RFWD3: variants seen among roughly 807,000 people sequenced by gnomAD.
RFWD3 encodes the protein E3 ubiquitin-protein ligase RFWD3.
RFWD3 carries 65 observed loss-of-function variants against 87.7 expected under a neutral mutation model. The observed-to-expected ratio is 0.74, with a 90% confidence interval of 0.61 to 0.91. RFWD3 has a LOEUF of 0.91. Among genes scored for constraint, RFWD3 ranks in the 40% least tolerant of loss-of-function variants. The pLI is 0.00. For missense variants in RFWD3, 1,078 were observed against 938.5 expected (o/e 1.15, Z -1.94); for synonymous variants, 433 against 352.8 (o/e 1.23, Z -2.55).
intron 6 of RFWD3, among the ~76,000 whole-genome samples, chr16:74,640,293 G>A (rs1052673628): frequency 6.6e-6 from 1 of 151,778 alleles, no homozygotes; most frequent in African/African-American, 2.4e-5. Flanking sequence ...TTACAGGTGT[G>A]TGCCACCACG....
At chr16:74,630,716 G>T in intron 10 of RFWD3, 65 bp downstream of exon 10, 1 of 1,422,144 alleles carries the variant, frequency 7.0e-7, no homozygotes, top group Non-Finnish European at 9.4e-7. Flanking sequence ...CTGAAGAGAC[G>T]ATTAACACAA....
rs758691698 is a variant in RFWD3, at chr16:74,644,383, C to G, written c.1058G>C (p.Ser353Thr). Residue 353 changes from serine to threonine, a missense_variant, in exon 6 of 13, where the codon AGT (serine) becomes ACT (threonine). Coordinates refer to ENST00000361070, the MANE Select transcript of RFWD3 (RefSeq NM_018124.4). ...YARTLRALDT[S>T]EQERMKSSLL... Reference sequence around the variant, plus strand: ...CTACCTTTTCATGCGCTCCTGTTCACTAGTGTCCAAAGCTCTCAGGGTTCG... The same window carrying G: ...CTACCTTTTCATGCGCTCCTGTTCAGTAGTGTCCAAAGCTCTCAGGGTTCG... The G allele has an allele frequency of 6.2e-7, 1 of 1,614,196 alleles. No homozygotes were observed. Among genetic ancestry groups the G allele is most frequent in the South Asian group, 1.1e-5 (1 of 91,088 alleles).
intron 6 of RFWD3, among the ~76,000 whole-genome samples, chr16:74,641,526 G>C (rs1959644830): frequency 6.6e-6 from 1 of 152,064 alleles, no homozygotes; most frequent in Non-Finnish European, 1.5e-5. Context: ...AAAAAAACTA[G>C]AGTCCCATGT....
In RFWD3 at chr16:74,646,354, G is replaced by A. The variant is rs72792719; in HGVS notation, c.793-1619C>T. Among the ~76,000 whole-genome samples the A allele has an allele frequency of 5.5e-3, 830 of 152,050 alleles. 5 individuals are homozygous for A. The highest frequency in any genetic ancestry group is 0.014 in the Middle Eastern group (4 of 294). ...TTGTGCCACTGCACTCCAGCATGAG[G>A]GACAGAATGAGACCCTGTCTCAAAA... On this transcript the variant is annotated intron_variant, in intron 4 of 12. Transcript: ENST00000361070.
At chr16:74,649,076 T>G in intron 4 of RFWD3, 56 bp downstream of exon 4, 3 of 1,195,242 alleles carry the variant, frequency 2.5e-6, no homozygotes, top group Non-Finnish European at 3.5e-6. Context: ...TGAGACCTAG[T>G]CTCTAAAAAT....
intron 1 of RFWD3, chr16:74,666,372 G>T (rs1028576974): frequency 1.3e-5 from 2 of 152,180 alleles, no homozygotes; most frequent in African/African-American, 4.8e-5. Context: ...AATTAAAAAT[G>T]AAGTTCTTCC....
Position 74,623,737 on chromosome 16 carries a change from T to C in RFWD3, c.*191A>G, listed in dbSNP as rs181226970. On this transcript the variant is annotated 3_prime_UTR_variant, in exon 13 of 13. Transcript: ENST00000361070. The stretch of plus-strand genomic sequence containing the variant: ...ATAAAGTACCCATCAATTACTCTTT[T>C]AGTGGACATAACAGATACACAATCT... 7.6e-5 allele frequency: 42 copies of C among 552,682 alleles called. No individual in the cohort carries two copies. The East Asian group carries it at 1.3e-3, about 17-fold the overall frequency. The allele number at this position is 552,682 out of a possible 1,614,324, so 34.2% of individuals were successfully genotyped here. A position where few individuals can be genotyped will look rare whatever the true frequency, so the allele number is the denominator to read the frequency against.
chr16:74,629,281 T>C (rs1022207949), intron 10 of RFWD3, among the ~76,000 whole-genome samples: 4 of 152,176 alleles, frequency 2.6e-5, no homozygotes, highest in Non-Finnish European at 4.4e-5. Context: ...TGTTTTATTT[T>C]CCCTGTCACA....
Position 74,644,432 on chromosome 16 carries a change from T to C in RFWD3, c.1009A>G (p.Ser337Gly), listed in dbSNP as rs1204752432. 1.9e-6 allele frequency: 3 copies of C among 1,614,134 alleles called. No individual in the cohort carries two copies. The highest frequency in any genetic ancestry group is 2.2e-5 in the South Asian group (2 of 91,092). Residue 337 changes from serine to glycine, a missense_variant, in exon 6 of 13, where the codon AGT becomes GGT. Coordinates refer to ENST00000361070, the MANE Select transcript of RFWD3 (RefSeq NM_018124.4). ...CPQCNKKARH[S>G]DIVVLYARTL... Reference sequence around the variant, plus strand: ...CGGGCATAAAGGACGACAATGTCACTGTGCCTGGCTTTCTTGTTGCACTAA... The same window carrying C: ...CGGGCATAAAGGACGACAATGTCACCGTGCCTGGCTTTCTTGTTGCACTAA...
chr16:74,657,544 C>T (rs572771781), intron 2 of RFWD3, among the ~76,000 whole-genome samples: 8 of 149,602 alleles, frequency 5.3e-5, no homozygotes, highest in Admixed American at 2.7e-4. Context: ...GGCGCAATCT[C>T]GGCTCACTGC....
rs114864071 is a variant in RFWD3 at position 74,625,796 on chromosome 16, A to G, written c.2181+547T>C. On this transcript the variant is annotated intron_variant, in intron 12 of 12. Transcript: ENST00000361070. ...TTTAACTTGATTAAAATTAAACATT[A>G]AGTTCTTCCTTGGCACTAAGCACAC... Among the ~76,000 whole-genome samples, 448 of 152,360 alleles carry G rather than the reference A, an allele frequency of 2.9e-3. 1 individual carries two copies. Among genetic ancestry groups the G allele is most frequent in the Middle Eastern group, 0.017 (5 of 294 alleles).
chr16:74,644,427 G>A lies in RFWD3; in HGVS notation c.1014C>T (p.Asp338=), dbSNP rs1298258495. The change falls in exon 6 of 13, where the codon GAC becomes GAT. Residue 338 remains aspartate, a synonymous_variant. Coordinates refer to ENST00000361070, the MANE Select transcript of RFWD3 (RefSeq NM_018124.4). ...PQCNKKARHS[D]IVVLYARTLR... is the part of the protein sequence containing the mutation. The stretch of plus-strand genomic sequence containing the variant: ...GGGTTCGGGCATAAAGGACGACAAT[G>A]TCACTGTGCCTGGCTTTCTTGTTGC... 3 of 1,614,212 alleles carry A rather than the reference G, an allele frequency of 1.9e-6. No individual in the cohort carries two copies. The highest frequency in any genetic ancestry group is 2.5e-6 in the Non-Finnish European group (3 of 1,180,042).
intron 2 of RFWD3, among the ~76,000 whole-genome samples, chr16:74,652,561 C>G: frequency 6.6e-6 from 1 of 152,188 alleles, no homozygotes; most frequent in East Asian, 1.9e-4. Flanking sequence ...AGTACAGGGT[C>G]TGGCTTCTGT....
At chr16:74,649,367 T>C (rs1960406520) in intron 3 of RFWD3, 165 bp from the exon 4 acceptor site, 1 of 478,744 alleles carries the variant, frequency 2.1e-6, no homozygotes, top group Non-Finnish European at 3.7e-6. Flanking sequence ...CATCAGTGAA[T>C]TTATTTTTAA....
chr16:74,649,743 C>CA (rs754446371), intron 3 of RFWD3, among the ~76,000 whole-genome samples: 50 of 152,074 alleles, frequency 3.3e-4, no homozygotes, highest in Non-Finnish European at 5.4e-4. Context: ...AATCAGAATC[C>CA]AAAAAAAGTC....
chr16:74,655,184 A>C (rs1278847915), intron 2 of RFWD3, among the ~76,000 whole-genome samples: 1 of 152,178 alleles, frequency 6.6e-6, no homozygotes, highest in Non-Finnish European at 1.5e-5. Flanking sequence ...TCAAGGCTCA[A>C]AGGACAGGCT....
At chr16:74,663,196 G>A (rs943214472) in intron 1 of RFWD3, among the ~76,000 whole-genome samples, 4 of 152,046 alleles carry the variant, frequency 2.6e-5, no homozygotes, top group Non-Finnish European at 5.9e-5. Flanking sequence ...GAGCCACCGC[G>A]CCCGGCCAAT....
rs1961086684 is a variant in RFWD3 at position 74,657,487 on chromosome 16, T to TTG, written c.518+3444_518+3445insCA. Among the ~76,000 whole-genome samples, 4 of 150,966 alleles carry TTG rather than the reference T, an allele frequency of 2.6e-5. No homozygotes were observed. In the South Asian group the frequency reaches 8.4e-4, roughly 32 times the overall value. On this transcript the variant is annotated intron_variant, in intron 2 of 12. Coordinates refer to ENST00000361070, the MANE Select transcript of RFWD3 (RefSeq NM_018124.4). ...CCCAGGTTTTCTTTTTCTTTTTTTT[T>TTG]TTTTTTGAGACGGAGTCTCGCTCTG... is the stretch of plus-strand genomic sequence containing the variant.
In RFWD3 at chr16:74,641,351, T is replaced by A. The variant is rs573087856; in HGVS notation, c.1079+3011A>T. Among the ~76,000 whole-genome samples, 6 of 151,918 alleles carry A rather than the reference T, an allele frequency of 3.9e-5. No individual in the cohort carries two copies. In the East Asian group the frequency reaches 1.2e-3, roughly 30 times the overall value. On this transcript the variant is annotated intron_variant, in intron 6 of 12. Coordinates refer to ENST00000361070, the MANE Select transcript of RFWD3 (RefSeq NM_018124.4). ...CTAATTTTTGTATTTTTAGTAGAAA[T>A]GGGGTTTCACCATGTTGGCCAGGCT...
Sources: gnomAD v4.1 joint callset for allele counts (sites outside exome capture counted in the v4.1 genomes callset) on GRCh38, gnomAD v4.1.1 for gene constraint, MANE v1.5 for transcripts, NCBI Gene and HGNC (gene_info 2026-07-23, HGNC 2026-07-21) for gene names.